The following ERC1 variants were observed in gnomAD, a reference collection of about 807,000 sequenced individuals.
ERC1 encodes the protein RAB6 interacting protein 2.
A neutral mutation model predicts 132.0 loss-of-function variants in ERC1; 56 were observed. The ratio of observed to expected loss-of-function variants is 0.42; its 90% CI spans 0.34 to 0.53. The LOEUF (loss-of-function observed/expected upper bound fraction) is 0.53, where lower values mean the gene tolerates loss of function less well. ERC1 is among the 20% of genes least tolerant of loss of function. ERC1 has a pLI of 0.03. For missense variants in ERC1, 1,202 were observed against 1,349.9 expected (o/e 0.89, Z 1.72); for synonymous variants, 478 against 476.1 (o/e 1.00, Z -0.05).
intron 12 of ERC1, 37 bp downstream of exon 12, chr12:1,190,089 A>G (rs757930803): frequency 8.8e-5 from 136 of 1,548,402 alleles, no homozygotes; most frequent in Non-Finnish European, 1.1e-4. Flanking sequence ...TATGAGGTTA[A>G]AGTATGGTTT....
intron 7 of ERC1, among the ~76,000 whole-genome samples, chr12:1,127,862 C>T (rs987522099): frequency 1.3e-5 from 2 of 152,096 alleles, no homozygotes; most frequent in Non-Finnish European, 2.9e-5. Context: ...ACTTGGACAG[C>T]GGATAGACCT....
At chr12:1,298,283 T>C (rs950603476) in intron 15 of ERC1, among the ~76,000 whole-genome samples, 7 of 152,146 alleles carry the variant, frequency 4.6e-5, no homozygotes, top group Non-Finnish European at 7.4e-5. Flanking sequence ...GGCTCAGGCC[T>C]GTAATCCCAG....
At chr12:1,158,672 C>T (rs555700329) in intron 8 of ERC1, among the ~76,000 whole-genome samples, 1 of 150,054 alleles carries the variant, frequency 6.7e-6, no homozygotes, top group Admixed American at 6.6e-5. Context: ...AGGCTGGTCT[C>T]GAACTCCCGT....
At chr12:1,011,060 T>C (rs1964605374) in intron 1 of ERC1, among the ~76,000 whole-genome samples, 1 of 152,214 alleles carries the variant, frequency 6.6e-6, no homozygotes, top group Non-Finnish European at 1.5e-5. Context: ...AAATTTTATA[T>C]GTGCCAACTG....
At chr12:1,346,960 AAGAG>A (rs1555369415) in intron 15 of ERC1, among the ~76,000 whole-genome samples, 1 of 149,650 alleles carries the variant, frequency 6.7e-6, no homozygotes, top group African/African-American at 2.5e-5. Flanking sequence ...AAAAAAAAAA[AAGAG>A]AGAGATGATG....
At chr12:1,435,036 T>C (rs2092912538) in intron 17 of ERC1, among the ~76,000 whole-genome samples, 1 of 152,188 alleles carries the variant, frequency 6.6e-6, no homozygotes, top group African/African-American at 2.4e-5. Context: ...TCATGTTTGT[T>C]TTTCCCAAAT....
At chr12:1,012,488 T>G (rs1349273692) in intron 1 of ERC1, among the ~76,000 whole-genome samples, 1 of 150,466 alleles carries the variant, frequency 6.6e-6, no homozygotes, top group Non-Finnish European at 1.5e-5. Context: ...TTTTTTTTTT[T>G]TTTGAGACAG....
At chr12:1,436,616 CAT>C (rs758203084) in intron 17 of ERC1, among the ~76,000 whole-genome samples, 49 of 152,172 alleles carry the variant, frequency 3.2e-4, no homozygotes, top group Non-Finnish European at 5.9e-4. Flanking sequence ...GTCTAGCAGA[CAT>C]GTGATAATGC....
intron 17 of ERC1, among the ~76,000 whole-genome samples, chr12:1,436,582 T>C (rs2092955186): frequency 6.6e-6 from 1 of 152,114 alleles, no homozygotes. Flanking sequence ...GCAACAAGCG[T>C]ATTGTTGTTT....
At chr12:1,070,587 A>G (rs1940161413) in intron 2 of ERC1, among the ~76,000 whole-genome samples, 1 of 151,488 alleles carries the variant, frequency 6.6e-6, no homozygotes, top group Non-Finnish European at 1.5e-5. Context: ...TGCCTGGTCT[A>G]CTCTTCCTTC....
intron 2 of ERC1, among the ~76,000 whole-genome samples, chr12:1,058,493 C>CAACAA (rs2154173702): frequency 6.6e-6 from 1 of 152,250 alleles, no homozygotes; most frequent in African/African-American, 2.4e-5. Flanking sequence ...TGTTGAAAAT[C>CAACAA]AGTTGGCTGT....
chr12:1,460,881 G>A (rs555414163), intron 18 of ERC1, among the ~76,000 whole-genome samples: 12 of 150,238 alleles, frequency 8.0e-5, no homozygotes, highest in African/African-American at 2.7e-4. Flanking sequence ...GGGAAGAAAG[G>A]AGGAATGAAA....
chr12:1,133,384 C>T (rs1340527566), intron 7 of ERC1, among the ~76,000 whole-genome samples: 5 of 152,292 alleles, frequency 3.3e-5, no homozygotes, highest in East Asian at 1.9e-4. Flanking sequence ...TAAGCACCTT[C>T]GCCATGACTG....
intron 13 of ERC1, among the ~76,000 whole-genome samples, chr12:1,261,822 G>A (rs984668567): frequency 1.3e-5 from 2 of 152,122 alleles, no homozygotes; most frequent in Non-Finnish European, 2.9e-5. Flanking sequence ...ATCACGTACA[G>A]CACCAAAATG....
intron 12 of ERC1, among the ~76,000 whole-genome samples, chr12:1,194,940 A>T (rs1250575499): frequency 3.1e-5 from 4 of 130,518 alleles, no homozygotes; most frequent in East Asian, 2.5e-4. Context: ...ATTTTAATGG[A>T]TATAGATTTT....
intron 8 of ERC1, among the ~76,000 whole-genome samples, chr12:1,179,500 CTTTTTTTTT>C (rs58317880): frequency 2.1e-5 from 2 of 95,742 alleles, no homozygotes; most frequent in African/African-American, 4.0e-5. Flanking sequence ...ATTCATTTTT[CTTTTTTTTT>C]TTTTTTTTTT....
intron 8 of ERC1, among the ~76,000 whole-genome samples, chr12:1,156,996 A>G (rs899302999): frequency 6.6e-6 from 1 of 152,058 alleles, no homozygotes; most frequent in African/African-American, 2.4e-5. Context: ...TCATTTATGT[A>G]TTTATTTGGG....
Position 1,293,322 on chromosome 12 carries a change from G to A in ERC1, c.2780+3310G>A, listed in dbSNP as rs375262888. On this transcript the variant is annotated intron_variant, in intron 15 of 18. Coordinates refer to ENST00000360905, the MANE Select transcript of ERC1 (RefSeq NM_178040.4). ...CAAAACATTAGCCAGGCGTGGTGGC[G>A]GGCGCCTGTAGTCCCAGCTACTCGG... is the stretch of plus-strand genomic sequence containing the variant. Among the ~76,000 whole-genome samples the A allele has an allele frequency of 9.4e-5, 14 of 148,876 alleles. 1 individual carries two copies. The highest frequency in any genetic ancestry group is 7.9e-4 in the East Asian group (4 of 5,052).
At chr12:1,329,519 G>T (rs568882015) in intron 15 of ERC1, among the ~76,000 whole-genome samples, 14 of 151,650 alleles carry the variant, frequency 9.2e-5, no homozygotes, top group Admixed American at 3.3e-4. Context: ...TATTCTGAAA[G>T]CCTCACGAGC....
Sources: gnomAD v4.1 joint callset for allele counts (sites outside exome capture counted in the v4.1 genomes callset) on GRCh38, gnomAD v4.1.1 for gene constraint, MANE v1.5 for transcripts, NCBI Gene and HGNC (gene_info 2026-07-23, HGNC 2026-07-21) for gene names.